Variants in PHLDB2 observed in about 807,000 individuals in gnomAD.
The protein encoded by PHLDB2 is pleckstrin homology-like domain family B member 2.
PHLDB2 carries 71 observed loss-of-function variants against 123.6 expected under a neutral mutation model. That is an observed-to-expected ratio of 0.57 (90% CI 0.47 to 0.70). The LOEUF (loss-of-function observed/expected upper bound fraction) is 0.70. Among genes scored for constraint, PHLDB2 ranks in the 30% least tolerant of loss-of-function variants. The pLI, the probability that PHLDB2 is intolerant of heterozygous loss-of-function variation, is 0.00. For missense variants in PHLDB2, 1,446 were observed against 1,519.5 expected (o/e 0.95, Z 0.80); for synonymous variants, 547 against 541.6 (o/e 1.01, Z -0.14).
chr3:111,838,692 T>G (rs1412730617), intron 1 of PHLDB2, among the ~76,000 whole-genome samples: 1 of 152,184 alleles, frequency 6.6e-6, no homozygotes, highest in Non-Finnish European at 1.5e-5. Context: ...AGAGTCAGAT[T>G]AGAATATTTT....
Position 111,866,014 on chromosome 3 carries a change from A to ATTTTTTTTTTTTTTTTTTT in PHLDB2, c.-15+6444_-15+6462dup, listed in dbSNP as rs61038523. Among the ~76,000 whole-genome samples, 147 of 57,414 alleles carry ATTTTTTTTTTTTTTTTTTT rather than the reference A, an allele frequency of 2.6e-3. 28 individuals carry two copies. The highest frequency in any genetic ancestry group is 5.1e-3 in the East Asian group (6 of 1,168). The allele number at this position is 57,414 out of a possible 152,430, so 37.7% of individuals were successfully genotyped here. On this transcript the variant is annotated intron_variant, in intron 1 of 17. Transcript: ENST00000431670. Reference sequence around the variant, plus strand: ...TTTTAGAAACCTACCCCACCCACTCATTTTTTTTTTTTTTTTTTTTTTTTG... The same window carrying ATTTTTTTTTTTTTTTTTTT: ...TTTTAGAAACCTACCCCACCCACTCATTTTTTTTTTTTTTTTTTTTTTTTTTTTTTTTTTTTTTTTTTTG...
intron 1 of PHLDB2, among the ~76,000 whole-genome samples, chr3:111,862,904 G>C (rs938625059): frequency 6.6e-6 from 1 of 152,070 alleles, no homozygotes; most frequent in Non-Finnish European, 1.5e-5. Flanking sequence ...CAGAGCTTTA[G>C]GACTCATAAG....
intron 2 of PHLDB2, among the ~76,000 whole-genome samples, chr3:111,854,156 G>A (rs1413551508): frequency 2.6e-5 from 4 of 152,166 alleles, no homozygotes; most frequent in Non-Finnish European, 5.9e-5. Context: ...AAGGGGAAAT[G>A]CCAGACACTT....
intron 2 of PHLDB2, among the ~76,000 whole-genome samples, chr3:111,912,881 A>T (rs746182756): frequency 2.6e-4 from 39 of 152,366 alleles, no homozygotes; most frequent in Non-Finnish European, 5.3e-4. Flanking sequence ...TGGGAGGCTG[A>T]GGCAGGAGGA....
intron 1 of PHLDB2, among the ~76,000 whole-genome samples, chr3:111,804,473 T>C (rs2061495523): frequency 6.6e-6 from 1 of 152,156 alleles, no homozygotes; most frequent in South Asian, 2.1e-4. Flanking sequence ...GAAAGAAGCC[T>C]CAGATGCAAA....
intron 2 of PHLDB2, among the ~76,000 whole-genome samples, chr3:111,889,151 T>C (rs542668996): frequency 1.9e-4 from 29 of 152,308 alleles, no homozygotes; most frequent in African/African-American, 5.3e-4. Flanking sequence ...TATAAGACAG[T>C]TTAAAAGTTC....
At chr3:111,903,896 AT>A (rs1449863354) in intron 2 of PHLDB2, among the ~76,000 whole-genome samples, 23 of 152,324 alleles carry the variant, frequency 1.5e-4, no homozygotes, top group African/African-American at 5.5e-4. Flanking sequence ...ATTAAAAAAA[AT>A]AATAACTGTG....
At chr3:111,799,191 T>C (rs113655922) in intron 1 of PHLDB2, among the ~76,000 whole-genome samples, 1 of 152,310 alleles carries the variant, frequency 6.6e-6, no homozygotes, top group African/African-American at 2.4e-5. Flanking sequence ...CTAGGGATTA[T>C]GGGAACTAAA....
rs536412917 is a variant in PHLDB2, at chr3:111,917,907, T to A, written c.1720-1165T>A. On this transcript the variant is annotated intron_variant, in intron 3 of 17. Transcript: ENST00000431670. ...GGGGGGTTAATTTGAAGATTTTTTT[T>A]AATAATTAGTGACAAATATTCAATA... is the stretch of plus-strand genomic sequence containing the variant. Among the ~76,000 whole-genome samples, 8 of 152,302 alleles carry A rather than the reference T, an allele frequency of 5.3e-5. 1 individual carries two copies. In the South Asian group the frequency reaches 1.0e-3, roughly 20 times the overall value.
chr3:111,760,684 T>G (rs1413339507), intron 1 of PHLDB2, among the ~76,000 whole-genome samples: 2 of 152,056 alleles, frequency 1.3e-5, no homozygotes, highest in Non-Finnish European at 2.9e-5. Flanking sequence ...ATACAGTTTT[T>G]TGTTTGTTTT....
intron 1 of PHLDB2, among the ~76,000 whole-genome samples, chr3:111,805,959 A>G (rs73226309): frequency 0.16 from 24,015 of 151,324 alleles, 2,389 homozygotes; most frequent in Non-Finnish European, 0.21. Context: ...TGAAATTTCT[A>G]GAAAAGGCAA....
intron 2 of PHLDB2, among the ~76,000 whole-genome samples, chr3:111,910,748 G>A (rs764353956): frequency 2.6e-5 from 4 of 152,218 alleles, no homozygotes; most frequent in Non-Finnish European, 4.4e-5. Flanking sequence ...AGTAATTTCT[G>A]TTCAGAGTTT....
chr3:111,810,187 T>C (rs751540268), intron 1 of PHLDB2, among the ~76,000 whole-genome samples: 1 of 152,094 alleles, frequency 6.6e-6, no homozygotes, highest in Non-Finnish European at 1.5e-5. Context: ...ACAGAGGCCA[T>C]ACACACTAAC....
chr3:111,896,247 C>A (rs1166345364), intron 2 of PHLDB2, among the ~76,000 whole-genome samples: 3 of 152,192 alleles, frequency 2.0e-5, no homozygotes, highest in African/African-American at 7.2e-5. Flanking sequence ...GCCACCATGC[C>A]TGGCTTAGTA....
At chr3:111,873,008 G>A (rs1314870097) in intron 1 of PHLDB2, among the ~76,000 whole-genome samples, 2 of 152,064 alleles carry the variant, frequency 1.3e-5, no homozygotes, top group African/African-American at 2.4e-5. Flanking sequence ...AGAAAAAATG[G>A]GGTATCAAAC....
intron 5 of PHLDB2, among the ~76,000 whole-genome samples, chr3:111,931,937 C>T (rs1490438397): frequency 6.6e-6 from 1 of 152,110 alleles, no homozygotes; most frequent in Non-Finnish European, 1.5e-5. Flanking sequence ...ATTTGGTTGG[C>T]ATTTCTTTGA....
chr3:111,873,460 T>A lies in PHLDB2; in HGVS notation c.-14-10604T>A, dbSNP rs116624211. Among the ~76,000 whole-genome samples the A allele has an allele frequency of 6.5e-3, 992 of 152,352 alleles. 16 individuals are homozygous for A. The highest frequency in any genetic ancestry group is 0.022 in the African/African-American group (919 of 41,588). On this transcript the variant is annotated intron_variant, in intron 1 of 17. Coordinates refer to ENST00000431670, the MANE Select transcript of PHLDB2 (RefSeq NM_001134438.2). ...CTACAAACAGGTTCGAGTATATTAA[T>A]GTATTTTATCATCTAAAAAATAACA...
At chr3:111,946,171 G>A (rs1211990763) in intron 9 of PHLDB2, among the ~76,000 whole-genome samples, 2 of 151,980 alleles carry the variant, frequency 1.3e-5, no homozygotes, top group African/African-American at 4.8e-5. Context: ...ACAGGTACCC[G>A]CCACCACACC....
intron 1 of PHLDB2, among the ~76,000 whole-genome samples, chr3:111,784,171 G>A (rs190262457): frequency 5.3e-5 from 8 of 152,224 alleles, no homozygotes; most frequent in Non-Finnish European, 7.4e-5. Context: ...TATCAGAGCC[G>A]AGAATTCCAC....
Sources: gnomAD v4.1 joint callset for allele counts (sites outside exome capture counted in the v4.1 genomes callset) on GRCh38, gnomAD v4.1.1 for gene constraint, MANE v1.5 for transcripts, NCBI Gene and HGNC (gene_info 2026-07-23, HGNC 2026-07-21) for gene names.